BNC2: variants seen among roughly 807,000 people sequenced by gnomAD.
The protein encoded by BNC2 is zinc finger protein basonuclin-2.
A neutral mutation model predicts 76.3 loss-of-function variants in BNC2; 20 were observed. The observed-to-expected ratio is 0.26, with a 90% CI of 0.18 to 0.38. The LOEUF (loss-of-function observed/expected upper bound fraction) is 0.38. Ranked by LOEUF, BNC2 falls within the 10% of genes least tolerant of loss-of-function variation. BNC2 has a pLI of 1.00. For synonymous variants in BNC2, 582 were observed against 514.8 expected (o/e 1.13, Z -1.77); for missense variants, 1,382 against 1,399.8 (o/e 0.99, Z 0.20).
At chr9:16,630,097 A>G (rs921406219) in intron 3 of BNC2, among the ~76,000 whole-genome samples, 2 of 152,242 alleles carry the variant, frequency 1.3e-5, no homozygotes, top group African/African-American at 4.8e-5. Context: ...TGCAGAGTGC[A>G]GTAAAGCCAA....
chr9:16,744,060 G>A (rs975400874), intron 1 of BNC2, among the ~76,000 whole-genome samples: 22 of 152,216 alleles, frequency 1.4e-4, no homozygotes, highest in African/African-American at 4.6e-4. Flanking sequence ...TCCGCCTCCC[G>A]GGTTCACGCC....
chr9:16,554,556 G>A lies in BNC2; in HGVS notation c.434-1791C>T, dbSNP rs985582629. ...AAATAGCCTTAAAAATTAATTTAAC[G>A]TTTGGGAAAGATAAGGGCTTCACAA... On this transcript the variant is annotated intron_variant, in intron 4 of 6. Transcript: ENST00000380672. Among the ~76,000 whole-genome samples the A allele has an allele frequency of 3.3e-5, 5 of 152,074 alleles. No homozygotes were observed. In the East Asian group the frequency reaches 7.7e-4, roughly 23 times the overall value.
intron 4 of BNC2, 91 bp downstream of exon 4, chr9:16,582,892 G>GACAGAC (rs1554680075): frequency 1.3e-5 from 8 of 626,974 alleles, no homozygotes; most frequent in South Asian, 8.8e-5. Context: ...CCTCTAAACA[G>GACAGAC]ACACACACAC....
chr9:16,669,119 A>T (rs1257079399), intron 3 of BNC2, among the ~76,000 whole-genome samples: 1 of 152,178 alleles, frequency 6.6e-6, no homozygotes, highest in African/African-American at 2.4e-5. Flanking sequence ...CCACTCAGAA[A>T]CCACATTTGA....
At chr9:16,757,672 G>A (rs1475599773) in intron 1 of BNC2, among the ~76,000 whole-genome samples, 2 of 151,208 alleles carry the variant, frequency 1.3e-5, no homozygotes, top group African/African-American at 4.9e-5. Flanking sequence ...ATTATTGACT[G>A]CCTACTATAT....
intron 1 of BNC2, among the ~76,000 whole-genome samples, chr9:16,863,493 G>T (rs1013275320): frequency 1.3e-5 from 2 of 152,074 alleles, no homozygotes; most frequent in Non-Finnish European, 2.9e-5. Flanking sequence ...TCAGGAGTTC[G>T]GGACCAGCCT....
At chr9:16,782,495 T>C (rs1826182353) in intron 1 of BNC2, among the ~76,000 whole-genome samples, 1 of 152,128 alleles carries the variant, frequency 6.6e-6, no homozygotes, top group Admixed American at 6.5e-5. Flanking sequence ...TACATACTAG[T>C]CTAATGTGCT....
At chr9:16,500,888 T>C (rs151294276) in intron 5 of BNC2, among the ~76,000 whole-genome samples, 1 of 152,304 alleles carries the variant, frequency 6.6e-6, no homozygotes, top group African/African-American at 2.4e-5. Context: ...TCACAACTAG[T>C]AACTAACCAT....
intron 1 of BNC2, among the ~76,000 whole-genome samples, chr9:16,752,792 G>A (rs1825260170): frequency 6.6e-6 from 1 of 152,218 alleles, no homozygotes; most frequent in South Asian, 2.1e-4. Flanking sequence ...AACTACAGGA[G>A]TGTGAGCTGG....
intron 5 of BNC2, among the ~76,000 whole-genome samples, chr9:16,497,207 G>C (rs547586708): frequency 3.0e-4 from 46 of 152,272 alleles, no homozygotes; most frequent in African/African-American, 1.0e-3. Context: ...GTGGAACAGG[G>C]AAGTTCCCTA....
intron 1 of BNC2, among the ~76,000 whole-genome samples, chr9:16,848,820 A>T (rs1229608492): frequency 1.3e-5 from 2 of 152,234 alleles, no homozygotes; most frequent in Non-Finnish European, 2.9e-5. Context: ...ACATGTCCTA[A>T]GTGGAAAATT....
chr9:16,599,999 G>A (rs1432409848), intron 3 of BNC2, among the ~76,000 whole-genome samples: 2 of 152,026 alleles, frequency 1.3e-5, no homozygotes, highest in African/African-American at 2.4e-5. Flanking sequence ...GGCAACCAAC[G>A]GTTTTACTGT....
At chr9:16,682,815 T>C (rs1822864809) in intron 3 of BNC2, among the ~76,000 whole-genome samples, 2 of 152,194 alleles carry the variant, frequency 1.3e-5, no homozygotes, top group Non-Finnish European at 2.9e-5. Context: ...AGAACTGTGC[T>C]GAGCTAAATG....
intron 6 of BNC2, among the ~76,000 whole-genome samples, chr9:16,421,953 C>T (rs1440047804): frequency 1.3e-5 from 2 of 152,208 alleles, no homozygotes; most frequent in Non-Finnish European, 2.9e-5. Flanking sequence ...TTGCTTCTCA[C>T]ACATCTGCAG....
rs749179153 is a variant in BNC2, at chr9:16,419,368, A to G, written c.2921T>C (p.Ile974Thr). The G allele has an allele frequency of 6.2e-7, 1 of 1,607,114 alleles. No individual in the cohort carries two copies. Among genetic ancestry groups the G allele is most frequent in the South Asian group, 1.1e-5 (1 of 90,032 alleles). The change falls in exon 7 of 7, where the codon ATC becomes ACC. Residue 974 changes from isoleucine to threonine, a missense_variant. Physicochemically the swap from Ile to Thr is moderately conservative, Grantham distance 89 (BLOSUM62 -1). Around this residue, in one of 3 missense-constraint regions of BNC2, gnomAD observed 798 missense variants for 775.5 expected, o/e 1.03. Transcript: ENST00000380672. ...TTSSLQSSSS[I>T]HSSRESDAGS... ...TGCGTCGGATTCTCTGGAGGAATGGATACTGCTGCTGGACTGGAGGCTGGA... is the reference window on the plus strand; with the variant it reads ...TGCGTCGGATTCTCTGGAGGAATGGGTACTGCTGCTGGACTGGAGGCTGGA...
At chr9:16,430,183 T>G (rs891541780) in intron 6 of BNC2, among the ~76,000 whole-genome samples, 2 of 150,304 alleles carry the variant, frequency 1.3e-5, no homozygotes, top group Non-Finnish European at 3.0e-5. Context: ...TGAAACCAAA[T>G]AGAGTAGCAG....
intron 3 of BNC2, among the ~76,000 whole-genome samples, chr9:16,720,623 GAA>G (rs1295150813): frequency 6.6e-6 from 1 of 152,084 alleles, no homozygotes; most frequent in African/African-American, 2.4e-5. Flanking sequence ...TTTACAGAGA[GAA>G]ATGAAAAACT....
At position 16,679,581 on chromosome 9, in the gene BNC2, G is replaced by A. The variant is rs151149003; in HGVS notation, c.330+48216C>T. Among the ~76,000 whole-genome samples the A allele has an allele frequency of 1.6e-3, 244 of 152,238 alleles. 1 individual carries two copies. The highest frequency in any genetic ancestry group is 5.4e-3 in the African/African-American group (224 of 41,550). ...TAATGACACCCCCTCAGCTTCCTGTGCAGCGCTGCCAGATGTTCAGAGACC... is the reference window on the plus strand; with the variant it reads ...TAATGACACCCCCTCAGCTTCCTGTACAGCGCTGCCAGATGTTCAGAGACC... On this transcript the variant is annotated intron_variant, in intron 3 of 6. Coordinates refer to ENST00000380672, the MANE Select transcript of BNC2 (RefSeq NM_017637.6).
intron 3 of BNC2, among the ~76,000 whole-genome samples, chr9:16,618,833 T>C (rs1030629999): frequency 4.6e-5 from 7 of 152,178 alleles, no homozygotes; most frequent in African/African-American, 1.7e-4. Flanking sequence ...AGGACAACAG[T>C]TGCAGCTCAA....
Sources: gnomAD v4.1 joint callset for allele counts (sites outside exome capture counted in the v4.1 genomes callset) on GRCh38, gnomAD v4.1.1 for gene constraint, gnomAD v4.1.1 regional missense constraint, MANE v1.5 for transcripts, NCBI Gene and HGNC (gene_info 2026-07-23, HGNC 2026-07-21) for gene names.